The following ASPM variants were observed in gnomAD, a reference collection of about 807,000 sequenced individuals.
ASPM encodes the protein assembly factor for spindle microtubules.
Under a neutral mutation model 366.4 loss-of-function variants are expected in ASPM, and 256 were observed. The ratio of observed to expected loss-of-function variants is 0.70; its 90% confidence interval spans 0.63 to 0.77. ASPM has a LOEUF of 0.77. Ranked by LOEUF, ASPM falls within the 30% of genes least tolerant of loss-of-function variation. The pLI, the probability that ASPM is intolerant of heterozygous loss-of-function variation, is 0.00. For missense variants in ASPM, 4,146 were observed against 4,090.4 expected, an observed-to-expected ratio of 1.01 and a Z score of -0.37; for synonymous variants, 1,414 against 1,342.9, an observed-to-expected ratio of 1.05 and a Z score of -1.16.
At chr1:197,145,845 A>AAT (rs71131744) in intron 1 of ASPM, among the ~76,000 whole-genome samples, 459 of 147,722 alleles carry the variant, frequency 3.1e-3, no homozygotes, top group African/African-American at 8.3e-3. Flanking sequence ...TCAATTAGAG[A>AAT]ATATATATAT....
intron 10 of ASPM, among the ~76,000 whole-genome samples, chr1:197,126,318 A>G (rs1658087093): frequency 6.6e-6 from 1 of 151,864 alleles, no homozygotes; most frequent in South Asian, 2.1e-4. Context: ...GTGCACACCT[A>G]TAGTCCCAGC....
chr1:197,104,939 T>C lies in ASPM; in HGVS notation c.4312A>G (p.Lys1438Glu). 6.2e-7 allele frequency: 1 copy of C among 1,612,354 alleles called. No individual in the cohort carries two copies. ...QSMFRKWKQR[K>E]MQSQVKATVI... ...GTAGCTTTTACTTGTGATTGCATTT[T>C]ACGTTGCTTCCATTTTCTGAACATA... is the stretch of plus-strand genomic sequence containing the variant. Residue 1438 changes from lysine to glutamate, a missense_variant, in exon 18 of 28, where the codon AAA becomes GAA. Around this residue, in one of 3 missense-constraint regions of ASPM, gnomAD observed 3,624 missense variants for 3,591.7 expected, o/e 1.01. Coordinates refer to ENST00000367409, the MANE Select transcript of ASPM (RefSeq NM_018136.5).
chr1:197,124,947 T>C lies in ASPM; in HGVS notation c.3091A>G (p.Ile1031Val), dbSNP rs1373322303. The C allele has an allele frequency of 5.6e-5, 90 of 1,610,892 alleles. No homozygotes were observed. Among genetic ancestry groups the C allele is most frequent in the Non-Finnish European group, 7.3e-5 (86 of 1,177,174 alleles). ...CTATCCACAATATCCTTAGATAGAA[T>C]TGTATTTCCTATAAAAGAAAAGGTT... is the stretch of plus-strand genomic sequence containing the variant. ...IELSDEHGNT[I>V]LSKDIVDRHR... Residue 1031 changes from isoleucine (I) to valine (V), a missense_variant, in exon 12 of 28, where the codon ATT becomes GTT. By Grantham distance (29) the Ile-to-Val change is conservative. Around this residue, in one of 3 missense-constraint regions of ASPM, gnomAD observed 3,624 missense variants for 3,591.7 expected, o/e 1.01. Transcript: ENST00000367409.
chr1:197,146,506 G>C lies in ASPM; in HGVS notation c.-69C>G, dbSNP rs1357299959. 3.2e-6 allele frequency: 5 copies of C among 1,561,396 alleles called. No homozygotes were observed. In the Admixed American group the frequency reaches 5.1e-5, roughly 16 times the overall value. On this transcript the variant is annotated 5_prime_UTR_variant, in exon 1 of 28. Transcript: ENST00000367409. ...CGAGGCGGCTCCGGAGCGGGGATCCGGGACTTACGCTGACCGCTTCCCCTC... is the reference window on the plus strand; with the variant it reads ...CGAGGCGGCTCCGGAGCGGGGATCCCGGACTTACGCTGACCGCTTCCCCTC...
chr1:197,139,101 C>T (rs1464410549), intron 4 of ASPM: 3 of 764,008 alleles, frequency 3.9e-6, no homozygotes, highest in South Asian at 1.4e-5. Context: ...GTTTTTGGTA[C>T]CTACAGCATT....
At chr1:197,117,743 G>C in intron 17 of ASPM, 46 bp downstream of exon 17, 1 of 1,518,332 alleles carries the variant, frequency 6.6e-7, no homozygotes, top group Non-Finnish European at 9.0e-7. Context: ...ACTTAAAAAA[G>C]TCATTAAAAT....
At chr1:197,085,250 G>T (rs1013557619) in intron 27 of ASPM, among the ~76,000 whole-genome samples, 2 of 151,886 alleles carry the variant, frequency 1.3e-5, no homozygotes, top group African/African-American at 4.8e-5. Flanking sequence ...TTTATTTTTT[G>T]CCAATAATTA....
chr1:197,102,678 A>G lies in ASPM; in HGVS notation c.6573T>C (p.Thr2191=), dbSNP rs749063253. 2.5e-6 allele frequency: 4 copies of G among 1,612,726 alleles called. No homozygotes were observed. The highest frequency in any genetic ancestry group is 2.2e-5 in the East Asian group (1 of 44,810). ...RVRRTLRKMQ[T]AATLIQSNYR... ...AGTTTGACTGAATGAGTGTTGCTGC[A>G]GTCTGCATCTTTCTAAGAGTCCGTC... Residue 2191 remains threonine (T), a synonymous_variant, in exon 18 of 28, where the codon ACT becomes ACC. Coordinates refer to ENST00000367409, the MANE Select transcript of ASPM (RefSeq NM_018136.5).
chr1:197,124,290 A>G lies in ASPM; in HGVS notation c.3210T>C (p.Ile1070=). Reference sequence around the variant, plus strand: ...TACTCTTTGTGTGTTTTAGAAAGGCAATTTCTTCCTTTAATTGATCTAAGT... The same window carrying G: ...TACTCTTTGTGTGTTTTAGAAAGGCGATTTCTTCCTTTAATTGATCTAAGT... ...SLNLDQLKEE[I]AFLKHTKSIK... The change falls in exon 13 of 28, where the codon ATT becomes ATC. Residue 1070 remains isoleucine, a synonymous_variant. Transcript: ENST00000367409. 1 of 1,598,226 alleles carries G rather than the reference A, an allele frequency of 6.3e-7. No homozygotes were observed.
In ASPM at chr1:197,092,011, C is replaced by A. The variant is rs372031049; in HGVS notation, c.9340G>T (p.Ala3114Ser). 12 of 1,612,016 alleles carry A rather than the reference C, an allele frequency of 7.4e-6. No individual in the cohort carries two copies. The highest frequency in any genetic ancestry group is 9.3e-6 in the Non-Finnish European group (11 of 1,178,844). ...ACAGCATTCAGGTGATAATATGCAG[C>A]TGCAGTGAAGTGAAGAAGTCGAATT... Reference protein sequence around the residue: ...AKIRLLHFTAAAYYHLNAVRI... With the variant: ...AKIRLLHFTASAYYHLNAVRI... Residue 3114 changes from alanine to serine, a missense_variant, in exon 22 of 28, where the codon GCT becomes TCT. By Grantham distance (99) the Ala-to-Ser change is moderately conservative (BLOSUM62 1). Transcript: ENST00000367409.
chr1:197,113,102 G>A (rs1319285858), intron 17 of ASPM, among the ~76,000 whole-genome samples: 4 of 152,158 alleles, frequency 2.6e-5, no homozygotes, highest in African/African-American at 9.7e-5. Context: ...CCTAAGTGAT[G>A]TAACACAGGA....
chr1:197,123,905 T>C (rs1391094128), intron 13 of ASPM, among the ~76,000 whole-genome samples: 1 of 152,146 alleles, frequency 6.6e-6, no homozygotes, highest in Non-Finnish European at 1.5e-5. Flanking sequence ...TTTTCTTTTC[T>C]TGATAAAATT....
chr1:197,094,007 T>A, intron 20 of ASPM, 77 bp downstream of exon 20: 1 of 1,033,068 alleles, frequency 9.7e-7, no homozygotes, highest in East Asian at 2.7e-5. Context: ...TTTTTAAAAA[T>A]TAAAAAATAC....
At chr1:197,128,442 AT>A (rs1349207627) in intron 10 of ASPM, 47 bp downstream of exon 10, 1 of 1,540,004 alleles carries the variant, frequency 6.5e-7, no homozygotes, top group Admixed American at 1.7e-5. Context: ...TTTCCAGAAA[AT>A]GTTAGTCTAT....
chr1:197,126,842 G>T (rs1387638495), intron 10 of ASPM, among the ~76,000 whole-genome samples: 1 of 152,148 alleles, frequency 6.6e-6, no homozygotes, highest in Non-Finnish European at 1.5e-5. Flanking sequence ...AAATGTCAAA[G>T]AATTCCTCCA....
Position 197,143,443 on chromosome 1 carries a change from G to A in ASPM, c.809C>T (p.Ser270Phe). 1.2e-6 allele frequency: 2 copies of A among 1,613,994 alleles called. No individual in the cohort carries two copies. The highest frequency in any genetic ancestry group is 1.7e-6 in the Non-Finnish European group (2 of 1,179,888). Reference protein sequence around the residue: ...NVHSANVSKVSFNEKAVTETS... With the variant: ...NVHSANVSKVFFNEKAVTETS... ...TTCAGTTACAGCTTTCTCATTAAAA[G>A]AAACTTTTGAAACGTTGGCACTGTG... Residue 270 changes from serine (S) to phenylalanine (F), a missense_variant, in exon 3 of 28, where the codon TCT becomes TTT. Transcript: ENST00000367409.
rs371020085 is a variant in ASPM, at chr1:197,102,668, G to C, written c.6583C>G (p.Leu2195Val). ...TLRKMQTAAT[L>V]IQSNYRRYRQ... ...TATCTTCTGTAGTTTGACTGAATGA[G>C]TGTTGCTGCAGTCTGCATCTTTCTA... Residue 2195 changes from leucine to valine, a missense_variant, in exon 18 of 28, where the codon CTC becomes GTC. This residue lies in a region of ASPM where 3,624 missense variants were observed against 3,591.7 expected (regional missense o/e 1.01). Transcript: ENST00000367409. 2 of 1,612,650 alleles carry C rather than the reference G, an allele frequency of 1.2e-6. No homozygotes were observed. Among genetic ancestry groups the C allele is most frequent in the Non-Finnish European group, 1.7e-6 (2 of 1,179,240 alleles).
intron 6 of ASPM, among the ~76,000 whole-genome samples, chr1:197,132,814 T>G (rs965760343): frequency 1.3e-5 from 2 of 151,468 alleles, no homozygotes; most frequent in African/African-American, 4.8e-5. Flanking sequence ...ATGAAAATCC[T>G]GTCACTTGTG....
At chr1:197,115,041 T>G (rs1657702199) in intron 17 of ASPM, among the ~76,000 whole-genome samples, 1 of 151,996 alleles carries the variant, frequency 6.6e-6, no homozygotes, top group South Asian at 2.1e-4. Flanking sequence ...TGAGCCATCA[T>G]GCCCAGCTTA....
Sources: gnomAD v4.1 joint callset for allele counts (sites outside exome capture counted in the v4.1 genomes callset) on GRCh38, gnomAD v4.1.1 for gene constraint, gnomAD v4.1.1 regional missense constraint, MANE v1.5 for transcripts, NCBI Gene and HGNC (gene_info 2026-07-23, HGNC 2026-07-21) for gene names.